The following DLGAP2 variants were observed in gnomAD, a reference collection of about 807,000 sequenced individuals.
The protein encoded by DLGAP2 is disks large-associated protein 2.
DLGAP2 carries 26 observed loss-of-function variants against 100.3 expected under a neutral mutation model. That is an observed-to-expected ratio of 0.26 (90% CI 0.19 to 0.36). The LOEUF is 0.36. DLGAP2 is among the 10% of genes least tolerant of loss of function. The pLI is 1.00. For missense variants in DLGAP2, 1,858 were observed against 1,453.2 expected (o/e 1.28, Z -4.53); for synonymous variants, 886 against 630.1 (o/e 1.41, Z -6.08).
At chr8:1,163,339 CG>C (rs1554494456) in intron 2 of DLGAP2, among the ~76,000 whole-genome samples, 4 of 152,192 alleles carry the variant, frequency 2.6e-5, no homozygotes, top group Non-Finnish European at 5.9e-5. Context: ...CCGGCCTTCC[CG>C]GGGTGTCGTG....
At chr8:1,506,290 A>T (rs1026659132) in intron 4 of DLGAP2, among the ~76,000 whole-genome samples, 1 of 152,176 alleles carries the variant, frequency 6.6e-6, no homozygotes, top group East Asian at 1.9e-4. Context: ...GTCCATACTT[A>T]TTTTCTTCAG....
At chr8:1,138,897 G>A (rs1796471181) in intron 2 of DLGAP2, among the ~76,000 whole-genome samples, 1 of 151,420 alleles carries the variant, frequency 6.6e-6, no homozygotes, top group South Asian at 2.1e-4. Flanking sequence ...TGCGGCTGGT[G>A]GGAGACTCCT....
chr8:801,924 T>C (rs373547226), intron 1 of DLGAP2, among the ~76,000 whole-genome samples: 1 of 51,966 alleles, frequency 1.9e-5, no homozygotes, highest in East Asian at 2.5e-4. Flanking sequence ...TAAGTGGCCA[T>C]TCAGTGAACA....
chr8:945,791 C>T (rs949559700), intron 2 of DLGAP2, among the ~76,000 whole-genome samples: 1 of 152,000 alleles, frequency 6.6e-6, no homozygotes, highest in Non-Finnish European at 1.5e-5. Context: ...CACTCTCTCC[C>T]TCTCCTCCCT....
intron 1 of DLGAP2, among the ~76,000 whole-genome samples, chr8:885,837 T>C (rs138269014): frequency 4.0e-4 from 61 of 152,366 alleles, no homozygotes; most frequent in African/African-American, 1.5e-3. Flanking sequence ...TCAATGTTCA[T>C]CAGGAATATT....
At chr8:1,373,782 C>T (rs1325858761) in intron 3 of DLGAP2, 1 of 152,276 alleles carries the variant, frequency 6.6e-6, no homozygotes, top group Non-Finnish European at 1.5e-5. Context: ...CAAACGTAGC[C>T]TGCAAGGAAG....
At chr8:1,377,955 G>C (rs182300358) in intron 3 of DLGAP2, 1 of 149,522 alleles carries the variant, frequency 6.7e-6, no homozygotes, top group East Asian at 2.1e-4. Context: ...CCCCTGTGCA[G>C]ACGCAGCCTC....
At chr8:800,251 T>C (rs1202050760) in intron 1 of DLGAP2, among the ~76,000 whole-genome samples, 2 of 152,126 alleles carry the variant, frequency 1.3e-5, no homozygotes, top group Non-Finnish European at 2.9e-5. Flanking sequence ...CCCTGGTGGT[T>C]TGAGAGGGTT....
chr8:781,664 T>C (rs1053881369), intron 1 of DLGAP2, among the ~76,000 whole-genome samples: 6 of 152,112 alleles, frequency 3.9e-5, no homozygotes, highest in African/African-American at 1.4e-4. Flanking sequence ...GACACGGTGA[T>C]TTGGCTGAAC....
At chr8:1,312,455 A>G (rs1800635413) in intron 3 of DLGAP2, among the ~76,000 whole-genome samples, 1 of 152,232 alleles carries the variant, frequency 6.6e-6, no homozygotes, top group Non-Finnish European at 1.5e-5. Context: ...ATTGGTATCC[A>G]AAATGTACAA....
intron 2 of DLGAP2, among the ~76,000 whole-genome samples, chr8:1,194,717 G>A (rs967743634): frequency 1.3e-5 from 2 of 152,186 alleles, no homozygotes; most frequent in African/African-American, 2.4e-5. Flanking sequence ...TGTCCTGGGC[G>A]GCTGTGGAGA....
chr8:1,101,875 C>T (rs150039525), intron 2 of DLGAP2, among the ~76,000 whole-genome samples: 2,438 of 126,682 alleles, frequency 0.019, 44 homozygotes, highest in East Asian at 0.063. Context: ...GGAAGGTCCT[C>T]GTCACCCCTG....
intron 1 of DLGAP2, among the ~76,000 whole-genome samples, chr8:885,872 G>T (rs895476598): frequency 6.6e-6 from 1 of 152,136 alleles, no homozygotes; most frequent in Non-Finnish European, 1.5e-5. Context: ...TTTTATTGTT[G>T]TGTCTCTTCC....
intron 2 of DLGAP2, among the ~76,000 whole-genome samples, chr8:1,200,529 TC>T (rs1422815712): frequency 1.3e-5 from 2 of 152,180 alleles, no homozygotes; most frequent in Admixed American, 6.5e-5. Context: ...CTGATTGTTC[TC>T]TGGTCTGACC....
intron 3 of DLGAP2, among the ~76,000 whole-genome samples, chr8:1,342,517 GT>G (rs1417122129): frequency 3.5e-3 from 4 of 1,142 alleles, no homozygotes; most frequent in African/African-American, 0.015. Context: ...GTTTGGGTTT[GT>G]GGGCCGTGCG....
At chr8:1,532,215 C>T (rs1801009670) in intron 4 of DLGAP2, among the ~76,000 whole-genome samples, 2 of 152,120 alleles carry the variant, frequency 1.3e-5, no homozygotes, top group South Asian at 2.1e-4. Flanking sequence ...ATATTGGGGC[C>T]CAAAGGTTTT....
chr8:1,019,436 A>G (rs1283200433), intron 2 of DLGAP2: 1 of 152,020 alleles, frequency 6.6e-6, no homozygotes, highest in East Asian at 1.9e-4. Context: ...AAATAATTTC[A>G]CATCTGCTTC....
intron 2 of DLGAP2, among the ~76,000 whole-genome samples, chr8:993,662 C>T (rs192396173): frequency 2.6e-5 from 4 of 152,234 alleles, no homozygotes; most frequent in African/African-American, 9.6e-5. Context: ...GGCGATTCTG[C>T]CATTTAGCCT....
intron 3 of DLGAP2, among the ~76,000 whole-genome samples, chr8:1,454,627 C>G (rs1798253698): frequency 6.6e-6 from 1 of 152,178 alleles, no homozygotes; most frequent in Admixed American, 6.5e-5. Context: ...TTTCCGAGCT[C>G]CATTCCAGGG....
Sources: allele counts gnomAD v4.1 joint callset (sites outside exome capture counted in the v4.1 genomes callset), GRCh38; gene constraint gnomAD v4.1.1; transcripts MANE v1.5; gene names NCBI Gene and HGNC (gene_info 2026-07-23, HGNC 2026-07-21).